The following SLC35F2 variants were observed in gnomAD, a reference collection of about 807,000 sequenced individuals.
SLC35F2 encodes the protein queuine/queuosine transporter SLC35F2.
In SLC35F2, 25 loss-of-function variants were observed where a neutral mutation model predicts 38.1. That is an observed-to-expected ratio of 0.66 (90% CI 0.48 to 0.92). The LOEUF (loss-of-function observed/expected upper bound fraction) is 0.92, where lower values mean the gene tolerates loss of function less well. Ranked by LOEUF, SLC35F2 falls within the 40% of genes least tolerant of loss-of-function variation. The pLI is 0.00. For missense variants in SLC35F2, 409 were observed against 452.9 expected (o/e 0.90, Z 0.88); for synonymous variants, 173 against 181.7 (o/e 0.95, Z 0.38).
In SLC35F2 at chr11:107,807,448, CAAAAT is replaced by C. The variant is rs565600348; in HGVS notation, c.415-577_415-573del. Among the ~76,000 whole-genome samples the C allele has an allele frequency of 2.4e-3, 372 of 151,908 alleles. 3 individuals carry two copies. The highest frequency in any genetic ancestry group is 8.5e-3 in the African/African-American group (354 of 41,436). ...TGTACAACCCAGAGAGACCCTGTCT[CAAAAT>C]AAATGAATAGATAATAAAATACAAT... On this transcript the variant is annotated intron_variant, in intron 3 of 7. Coordinates refer to ENST00000525815, the MANE Select transcript of SLC35F2 (RefSeq NM_017515.5).
At chr11:107,841,558 CAAAAAAA>C (rs59699944) in intron 1 of SLC35F2, among the ~76,000 whole-genome samples, 2 of 95,496 alleles carry the variant, frequency 2.1e-5, no homozygotes, top group South Asian at 3.7e-4. Flanking sequence ...GACTCCAACT[CAAAAAAA>C]AAAAAAAAAA....
intron 1 of SLC35F2, among the ~76,000 whole-genome samples, chr11:107,818,072 A>AAAAAAGAAAG (rs1555084051): frequency 2.9e-5 from 2 of 68,438 alleles, no homozygotes; most frequent in Non-Finnish European, 5.3e-5. Context: ...AAAAAAAAAA[A>AAAAAAGAAAG]AAAGAAAGAA....
intron 1 of SLC35F2, among the ~76,000 whole-genome samples, chr11:107,854,537 A>G (rs893165673): frequency 3.3e-5 from 5 of 152,330 alleles, no homozygotes; most frequent in African/African-American, 1.2e-4. Context: ...TTGAGTTGAC[A>G]GTAATAAATC....
chr11:107,794,096 T>C (rs1591182157), intron 7 of SLC35F2, among the ~76,000 whole-genome samples: 1 of 151,790 alleles, frequency 6.6e-6, no homozygotes, highest in East Asian at 1.9e-4. Flanking sequence ...TTTTTTTTTT[T>C]TTTAGACAGA....
At chr11:107,826,821 T>C (rs1859760563) in intron 1 of SLC35F2, among the ~76,000 whole-genome samples, 1 of 152,170 alleles carries the variant, frequency 6.6e-6, no homozygotes, top group Non-Finnish European at 1.5e-5. Flanking sequence ...ACACTCCTAA[T>C]AAAATATACC....
intron 3 of SLC35F2, among the ~76,000 whole-genome samples, chr11:107,807,787 C>T (rs1466646264): frequency 6.6e-6 from 1 of 152,110 alleles, no homozygotes; most frequent in Non-Finnish European, 1.5e-5. Flanking sequence ...GTTGGCAAGG[C>T]TGGTCTCGAA....
intron 5 of SLC35F2, 104 bp from the exon 6 acceptor site, chr11:107,804,874 A>G (rs1859369146): frequency 1.7e-6 from 2 of 1,183,538 alleles, no homozygotes. Context: ...AATTACATGG[A>G]CATTTGAATT....
In SLC35F2 at chr11:107,823,319, GC is replaced by G. The variant is rs1378190308; in HGVS notation, c.111-7355del. 5.4e-6 allele frequency: 3 copies of G among 558,020 alleles called. No individual in the cohort carries two copies. The East Asian group carries it at 4.4e-4, about 81-fold the overall frequency. 34.6% of individuals were successfully genotyped at this position (558,020 alleles called of 1,614,324 possible). A position where few individuals can be genotyped will look rare whatever the true frequency, so the allele number is the denominator to read the frequency against. On this transcript the variant is annotated intron_variant, in intron 1 of 7. Transcript: ENST00000525815. ...GATGCATTATTTGAATGCAAATTAT[GC>G]ATTCCCTTCACTTTATGTCTCAATA...
intron 3 of SLC35F2, chr11:107,809,666 TTC>T (rs1565430653): frequency 2.0e-6 from 2 of 981,600 alleles, no homozygotes; most frequent in Non-Finnish European, 2.4e-6. Flanking sequence ...GATGGATGTC[TTC>T]TCTGTTTCAG....
At chr11:107,854,822 C>A (rs1259728642) in intron 1 of SLC35F2, among the ~76,000 whole-genome samples, 1 of 152,110 alleles carries the variant, frequency 6.6e-6, no homozygotes, top group African/African-American at 2.4e-5. Context: ...TCTTCTTGCC[C>A]CTTTTTGGTA....
chr11:107,848,458 G>T (rs1046081102), intron 1 of SLC35F2, among the ~76,000 whole-genome samples: 4 of 152,138 alleles, frequency 2.6e-5, no homozygotes, highest in African/African-American at 9.7e-5. Context: ...ACTATTTGGA[G>T]GTGGGGCCTC....
At chr11:107,855,643 ACT>A (rs1257534556) in intron 1 of SLC35F2, among the ~76,000 whole-genome samples, 3 of 150,660 alleles carry the variant, frequency 2.0e-5, no homozygotes, top group Admixed American at 6.6e-5. Flanking sequence ...CAACAGTGAA[ACT>A]CTGTCTAAAA....
At chr11:107,835,744 T>C (rs1859920612) in intron 1 of SLC35F2, among the ~76,000 whole-genome samples, 1 of 105,092 alleles carries the variant, frequency 9.5e-6, no homozygotes. Flanking sequence ...CAATTCAGCA[T>C]GTTTTTTTTA....
intron 1 of SLC35F2, among the ~76,000 whole-genome samples, chr11:107,828,829 G>A (rs570317431): frequency 1.2e-4 from 19 of 152,186 alleles, no homozygotes; most frequent in East Asian, 7.7e-4. Flanking sequence ...AATCCCGGCC[G>A]GGCGCAGTGA....
chr11:107,828,427 C>T (rs1859788028), intron 1 of SLC35F2, among the ~76,000 whole-genome samples: 1 of 141,252 alleles, frequency 7.1e-6, no homozygotes, highest in Non-Finnish European at 1.5e-5. Flanking sequence ...GACCGAAACT[C>T]CATCTCAAAA....
chr11:107,812,085 AG>A (rs1458032314), intron 2 of SLC35F2, among the ~76,000 whole-genome samples: 1 of 151,020 alleles, frequency 6.6e-6, no homozygotes, highest in African/African-American at 2.4e-5. Flanking sequence ...TTGTATTTTT[AG>A]CAGAGATGGG....
chr11:107,851,175 A>G (rs10431032), intron 1 of SLC35F2, among the ~76,000 whole-genome samples: 66,581 of 151,450 alleles, frequency 0.44, 14,686 homozygotes, highest in Admixed American at 0.54. Context: ...AAGCAGGAGA[A>G]TCTCTTGAAC....
intron 7 of SLC35F2, among the ~76,000 whole-genome samples, chr11:107,802,242 A>AAAAAAAAAAATAAATAAATAAAT (rs559048077): frequency 6.8e-5 from 10 of 147,978 alleles, no homozygotes; most frequent in East Asian, 2.1e-4. Flanking sequence ...CATCTCAAAA[A>AAAAAAAAAAATAAATAAATAAAT]AAATAAATAA....
In SLC35F2 at chr11:107,800,903, C is replaced by CTTTTTT. The variant is rs71303238; in HGVS notation, c.939+2092_939+2097dup. On this transcript the variant is annotated intron_variant, in intron 7 of 7. Coordinates refer to ENST00000525815, the MANE Select transcript of SLC35F2 (RefSeq NM_017515.5). Reference sequence around the variant, plus strand: ...ATCTATACAGTGAAAGCTATTACTACTTTTTTTTTTTTTTTTTTTTTTGAG... The same window carrying CTTTTTT: ...ATCTATACAGTGAAAGCTATTACTACTTTTTTTTTTTTTTTTTTTTTTTTTTTTGAG... Among the ~76,000 whole-genome samples the CTTTTTT allele has an allele frequency of 1.6e-3, 203 of 126,150 alleles. 8 individuals carry two copies. The highest frequency in any genetic ancestry group is 4.7e-3 in the African/African-American group (145 of 30,926). The allele number at this position is 126,150 out of a possible 152,430, so 82.8% of individuals were successfully genotyped here.
Sources: gnomAD v4.1 joint callset for allele counts (sites outside exome capture counted in the v4.1 genomes callset) on GRCh38, gnomAD v4.1.1 for gene constraint, MANE v1.5 for transcripts, NCBI Gene and HGNC (gene_info 2026-07-23, HGNC 2026-07-21) for gene names.